Variants in CLU observed in about 807,000 individuals in gnomAD.
CLU encodes the protein aging-associated protein 4.
Under a neutral mutation model 46.4 loss-of-function variants are expected in CLU, and 25 were observed. The observed-to-expected ratio is 0.54, with a 90% confidence interval of 0.39 to 0.75. The LOEUF (loss-of-function observed/expected upper bound fraction) is 0.75. Among genes scored for constraint, CLU ranks in the 30% least tolerant of loss-of-function variants. CLU has a pLI of 0.00. For missense variants in CLU, 504 were observed against 592.1 expected (o/e 0.85, Z 1.54); for synonymous variants, 235 against 235.1 (o/e 1.00, Z 0.00).
At chr8:27,611,999 G>A (rs1483693261) in intron 1 of CLU, 2 of 355,716 alleles carry the variant, frequency 5.6e-6, no homozygotes, top group South Asian at 2.1e-5. Flanking sequence ...TTCAGAACTA[G>A]GTTCTGACCA....
chr8:27,602,298 AACG>A (rs938016667), intron 6 of CLU, among the ~76,000 whole-genome samples: 4 of 151,768 alleles, frequency 2.6e-5, no homozygotes, highest in Non-Finnish European at 4.4e-5. Flanking sequence ...GACAGCCCCC[AACG>A]ACAAAGAATG....
At position 27,606,472 on chromosome 8, in the gene CLU, C is replaced by G; in HGVS notation, c.299G>C (p.Gly100Ala). The G allele has an allele frequency of 6.2e-7, 1 of 1,614,238 alleles. No homozygotes were observed. Among genetic ancestry groups the G allele is most frequent in the Non-Finnish European group, 8.5e-7 (1 of 1,180,046 alleles). Residue 100 changes from glycine to alanine, a missense_variant, in exon 4 of 9, where the codon GGA (glycine) becomes GCA (alanine). Coordinates refer to ENST00000316403, the MANE Select transcript of CLU (RefSeq NM_001831.4). The stretch of plus-strand genomic sequence containing the variant: ...GGCCATCATGGTCTCATTGCACACT[C>G]CTGGGAGCTCCTTCAGCTTTGTCTC... ...ESETKLKELP[G>A]VCNETMMALW...
chr8:27,614,122 T>A (rs1201148217), intron 1 of CLU: 1 of 152,298 alleles, frequency 6.6e-6, no homozygotes, highest in Non-Finnish European at 1.5e-5. Context: ...GCAGAAAAAG[T>A]CGGATTTCGG....
At chr8:27,600,534 T>C (rs1370063199) in intron 6 of CLU, among the ~76,000 whole-genome samples, 1 of 152,216 alleles carries the variant, frequency 6.6e-6, no homozygotes, top group Non-Finnish European at 1.5e-5. Flanking sequence ...TGAGAAGCCT[T>C]GCTCTGGAAA....
intron 1 of CLU, among the ~76,000 whole-genome samples, chr8:27,612,186 G>C (rs940035428): frequency 1.1e-4 from 16 of 152,144 alleles, no homozygotes; most frequent in Non-Finnish European, 2.2e-4. Flanking sequence ...CTACCCTAGC[G>C]GTGAGGCTGA....
At chr8:27,606,973 C>T (rs1800832898) in intron 3 of CLU, among the ~76,000 whole-genome samples, 1 of 152,226 alleles carries the variant, frequency 6.6e-6, no homozygotes, top group African/African-American at 2.4e-5. Flanking sequence ...GGCAGGCATT[C>T]AGCACCAAAG....
At chr8:27,603,578 C>G (rs9331926) in intron 6 of CLU, among the ~76,000 whole-genome samples, 4,718 of 152,260 alleles carry the variant, frequency 0.031, 75 homozygotes, top group Middle Eastern at 0.088. Context: ...ATAACCAGAG[C>G]TGGTGAAACG....
At position 27,612,085 on chromosome 8, in the gene CLU, C is replaced by T. The variant is rs148236184; in HGVS notation, c.-29-1485G>A. 3.2e-3 allele frequency: 1,043 copies of T among 324,220 alleles called. 7 individuals are homozygous for T. Among genetic ancestry groups the T allele is most frequent in the Non-Finnish European group, 3.1e-3 (509 of 166,704 alleles). 20.1% of individuals were successfully genotyped at this position (324,220 alleles called of 1,614,324 possible). On this transcript the variant is annotated intron_variant, in intron 1 of 8. Transcript: ENST00000316403. ...AGGAAAGGAATTCCAGACTCAGCAG[C>T]GGGCACAGAGTCTGCTCCAGGGAGC...
intron 6 of CLU, among the ~76,000 whole-genome samples, chr8:27,603,988 G>T (rs190633097): frequency 6.6e-6 from 1 of 152,320 alleles, no homozygotes; most frequent in East Asian, 1.9e-4. Flanking sequence ...GGGAGTCCCA[G>T]GGGGATGACT....
At chr8:27,610,370 C>T in intron 2 of CLU, 105 bp downstream of exon 2, 1 of 944,628 alleles carries the variant, frequency 1.1e-6, no homozygotes, top group Non-Finnish European at 1.7e-6. Context: ...TAAAAACGGT[C>T]TGTAACACTG....
At chr8:27,603,886 G>T (rs758017324) in intron 6 of CLU, among the ~76,000 whole-genome samples, 1 of 152,206 alleles carries the variant, frequency 6.6e-6, no homozygotes, top group Non-Finnish European at 1.5e-5. Flanking sequence ...GGTCAGTTTT[G>T]TTAAACAAAA....
intron 3 of CLU, among the ~76,000 whole-genome samples, chr8:27,607,836 C>A (rs1006606258): frequency 6.6e-6 from 1 of 152,106 alleles, no homozygotes; most frequent in Non-Finnish European, 1.5e-5. Context: ...TGGGCAAGGA[C>A]AACCCACCTC....
rs201809865 is a variant in CLU at position 27,609,078 on chromosome 8, T to C, written c.106A>G (p.Asn36Asp). ...VSDNELQEMSNQGSKYVNKEI... is the reference protein window; with the variant it reads ...VSDNELQEMSDQGSKYVNKEI... ...TTATTGACGTACTTACTTCCCTGAT[T>C]GGACATTTCTGCAAGAGAAGTGCAA... is the stretch of plus-strand genomic sequence containing the variant. Residue 36 changes from asparagine (N) to aspartate (D), a missense_variant, in exon 3 of 9, where the codon AAT becomes GAT. Physicochemically the swap from Asn to Asp is conservative, Grantham distance 23. Around this residue, in one of 3 missense-constraint regions of CLU, gnomAD observed 73 missense variants for 91.2 expected, o/e 0.80. Coordinates refer to ENST00000316403, the MANE Select transcript of CLU (RefSeq NM_001831.4). 21 of 1,614,040 alleles carry C rather than the reference T, an allele frequency of 1.3e-5. No individual in the cohort carries two copies. In the Admixed American group the frequency reaches 2.5e-4, roughly 19 times the overall value.
rs779803164 is a variant in CLU at position 27,609,024 on chromosome 8, T to C, written c.160A>G (p.Lys54Glu). ...TTTTCTATGAGAGTCTTTATCTGTT[T>C]CACCCCGTTGACAGCATTTTGAATT... Reference protein sequence around the residue: ...KEIQNAVNGVKQIKTLIEKTN... With the variant: ...KEIQNAVNGVEQIKTLIEKTN... Residue 54 changes from lysine to glutamate, a missense_variant, in exon 3 of 9, where the codon AAA becomes GAA. Physicochemically the swap from Lys to Glu is moderately conservative, Grantham distance 56. Coordinates refer to ENST00000316403, the MANE Select transcript of CLU (RefSeq NM_001831.4). The C allele has an allele frequency of 8.7e-6, 14 of 1,614,062 alleles. No individual in the cohort carries two copies. Among genetic ancestry groups the C allele is most frequent in the Non-Finnish European group, 9.3e-6 (11 of 1,179,998 alleles).
intron 3 of CLU, among the ~76,000 whole-genome samples, chr8:27,607,002 T>C (rs11136000): frequency 0.57 from 86,726 of 152,100 alleles, 25,240 homozygotes; most frequent in East Asian, 0.78. Context: ...GCTATCAAAA[T>C]TCTCTAACGG....
In CLU at chr8:27,599,809, C is replaced by T. The variant is rs146625005; in HGVS notation, c.1135G>A (p.Glu379Lys). The change falls in exon 7 of 9, where the codon GAA (glutamate) becomes AAA (lysine). Residue 379 changes from glutamate to lysine, a missense_variant. Coordinates refer to ENST00000316403, the MANE Select transcript of CLU (RefSeq NM_001831.4). This position sits in a 1 kb window ranked among gnomAD's most constrained non-coding sequence, Gnocchi z 4.0. ...GTGACCCGCAGATAGTACTGGTCTT[C>T]GCCTTGCGTGAGGTTTGCCAGCCGG... ...VSRLANLTQGEDQYYLRVTTV... is the reference protein window; with the variant it reads ...VSRLANLTQGKDQYYLRVTTV... 3.8e-5 allele frequency: 62 copies of T among 1,613,096 alleles called. No homozygotes were observed. The African/African-American group carries it at 5.6e-4, about 15-fold the overall frequency.
chr8:27,597,919 C>A lies in CLU; in HGVS notation c.*322G>T. The A allele has an allele frequency of 1.7e-6, 1 of 587,768 alleles. No homozygotes were observed. Among genetic ancestry groups the A allele is most frequent in the Non-Finnish European group, 3.2e-6 (1 of 314,906 alleles). The allele number at this position is 587,768 out of a possible 1,614,324, so 36.4% of individuals were successfully genotyped here. A position where few individuals can be genotyped will look rare whatever the true frequency, so the allele number is the denominator to read the frequency against. On this transcript the variant is annotated 3_prime_UTR_variant, in exon 9 of 9. Coordinates refer to ENST00000316403, the MANE Select transcript of CLU (RefSeq NM_001831.4). ...TTGTTTCTACTTATTTTCCATCCCC[C>A]CTGCCTGCCCCCCATAGCAAAATGA...
At chr8:27,612,060 A>G (rs1800939625) in intron 1 of CLU, 3 of 329,872 alleles carry the variant, frequency 9.1e-6, no homozygotes, top group South Asian at 5.1e-5. Context: ...GGCAAGATAC[A>G]GGAAAGGAAT....
chr8:27,613,663 C>T (rs747760107), intron 1 of CLU: 11 of 152,242 alleles, frequency 7.2e-5, no homozygotes, highest in Non-Finnish European at 1.5e-5. Context: ...AGATTCTTCA[C>T]ATTCACCATC....
Sources: allele counts gnomAD v4.1 joint callset (sites outside exome capture counted in the v4.1 genomes callset), GRCh38; gene constraint gnomAD v4.1.1; regional missense constraint gnomAD v4.1.1; non-coding constraint Gnocchi (gnomAD v3.1); transcripts MANE v1.5; gene names NCBI Gene and HGNC (gene_info 2026-07-23, HGNC 2026-07-21).